The following ZNF503 variants were observed in gnomAD, a reference collection of about 807,000 sequenced individuals.
ZNF503 encodes the protein NocA-like zinc finger 2.
ZNF503 carries 15 observed loss-of-function variants against 34.4 expected under a neutral mutation model. The observed-to-expected ratio is 0.44, with a 90% CI of 0.29 to 0.67. The LOEUF (loss-of-function observed/expected upper bound fraction) is 0.67, where lower values mean the gene tolerates loss of function less well. Ranked by LOEUF, ZNF503 falls within the 30% of genes least tolerant of loss-of-function variation. The probability of loss-of-function intolerance (pLI) is 0.13; values close to 1 mark genes in which losing one functional copy is unlikely to be tolerated. For synonymous variants in ZNF503, 580 were observed against 456.8 expected (o/e 1.27, Z -3.44); for missense variants, 1,007 against 926.8 (o/e 1.09, Z -1.12).
chr10:75,351,265 A>G, the ZNF503 span, among the ~76,000 whole-genome samples: 2 of 152,010 alleles, frequency 1.3e-5, no homozygotes, highest in Admixed American at 1.3e-4. Flanking sequence ...TCTGCCTCCC[A>G]GGTTCAAGCG....
At chr10:75,374,610 T>C in the ZNF503 span, among the ~76,000 whole-genome samples, 1 of 152,172 alleles carries the variant, frequency 6.6e-6, no homozygotes, top group African/African-American at 2.4e-5. Flanking sequence ...TCCCCAGCCC[T>C]GCCTATCCCA....
chr10:75,347,216 A>G, the ZNF503 span, among the ~76,000 whole-genome samples: 1 of 152,252 alleles, frequency 6.6e-6, no homozygotes. Flanking sequence ...GACTCCGGCA[A>G]TTAATTTGCA....
chr10:75,393,877 CAAAAAGA>C (rs559087668), downstream of ZNF503, among the ~76,000 whole-genome samples: 78 of 151,786 alleles, frequency 5.1e-4, 1 homozygote, highest in South Asian at 6.7e-3. Context: ...TAAAATAAAA[CAAAAAGA>C]AAAAAGAAAA....
At position 75,399,690 on chromosome 10, in the gene ZNF503, A is replaced by G. The variant is rs1013297780; in HGVS notation, c.1000T>C (p.Ser334Pro). The G allele has an allele frequency of 6.9e-6, 11 of 1,600,362 alleles. No individual in the cohort carries two copies. The highest frequency in any genetic ancestry group is 9.3e-6 in the Non-Finnish European group (11 of 1,179,300). ...GGTGACACGGGAGCCACCAGCCCAG[A>G]GCCCAACACTGAGGAGGAGGTGGGC... ...SAPTSSSVLG[S>P]GLVAPVSPYK... The change falls in exon 2 of 2, where the codon TCT becomes CCT. Residue 334 changes from serine to proline, a missense_variant. By Grantham distance (74) the Ser-to-Pro change is moderately conservative. Coordinates refer to ENST00000372524, the MANE Select transcript of ZNF503 (RefSeq NM_032772.6).
chr10:75,288,214 C>T, the ZNF503 span: 1 of 152,234 alleles, frequency 6.6e-6, no homozygotes, highest in Non-Finnish European at 1.5e-5. Context: ...GTGTTAATTG[C>T]AGAAATTTGG....
chr10:75,340,738 A>G, the ZNF503 span, among the ~76,000 whole-genome samples: 2 of 152,304 alleles, frequency 1.3e-5, no homozygotes, highest in East Asian at 3.9e-4. Flanking sequence ...AGCTGGGATT[A>G]CAGGCATGCG....
rs966269278 is a variant in ZNF503 at position 75,400,515 on chromosome 10, G to A, written c.316-141C>T. Reference sequence around the variant, plus strand: ...CAGCCCCAAGGCGCAATTCTAGGCGGCACCCCCTCTTCAACACCCACTCAC... The same window carrying A: ...CAGCCCCAAGGCGCAATTCTAGGCGACACCCCCTCTTCAACACCCACTCAC... On this transcript the variant is annotated intron_variant, in intron 1 of 1. Coordinates refer to ENST00000372524, the MANE Select transcript of ZNF503 (RefSeq NM_032772.6). 69 of 1,421,308 alleles carry A rather than the reference G, an allele frequency of 4.9e-5. No individual in the cohort carries two copies. The African/African-American group carries it at 5.5e-4, about 11-fold the overall frequency. 88.0% of individuals were successfully genotyped at this position (1,421,308 alleles called of 1,614,324 possible).
the ZNF503 span, among the ~76,000 whole-genome samples, chr10:75,317,991 G>A: frequency 1.3e-5 from 2 of 151,866 alleles, no homozygotes; most frequent in Non-Finnish European, 2.9e-5. Flanking sequence ...GCGAGACTCT[G>A]TCTCAACAAA....
chr10:75,303,486 C>T, the ZNF503 span, among the ~76,000 whole-genome samples: 4 of 152,332 alleles, frequency 2.6e-5, no homozygotes, highest in Non-Finnish European at 5.9e-5. Flanking sequence ...CCATGTAAAG[C>T]CAGGATAAGG....
At chr10:75,338,853 G>T in the ZNF503 span, among the ~76,000 whole-genome samples, 10 of 152,236 alleles carry the variant, frequency 6.6e-5, no homozygotes, top group Admixed American at 3.3e-4. Flanking sequence ...GAGTGAGGCA[G>T]CTGCAATAGT....
chr10:75,282,241 A>T, the ZNF503 span, among the ~76,000 whole-genome samples: 35 of 152,168 alleles, frequency 2.3e-4, no homozygotes, highest in Non-Finnish European at 4.7e-4. Flanking sequence ...GAGAGATGGG[A>T]TCTGGCCAAT....
chr10:75,374,318 AC>A, the ZNF503 span, among the ~76,000 whole-genome samples: 41 of 152,280 alleles, frequency 2.7e-4, no homozygotes, highest in African/African-American at 4.3e-4. Context: ...CAACAAAAAA[AC>A]AAACAAACAA....
At chr10:75,313,461 G>T in the ZNF503 span, among the ~76,000 whole-genome samples, 1 of 152,198 alleles carries the variant, frequency 6.6e-6, no homozygotes, top group Non-Finnish European at 1.5e-5. Context: ...GTGAGCATTT[G>T]GTTCCCACAG....
At chr10:75,294,060 C>T in the ZNF503 span, among the ~76,000 whole-genome samples, 3 of 152,214 alleles carry the variant, frequency 2.0e-5, no homozygotes, top group Admixed American at 1.3e-4. Flanking sequence ...TCCTAAAAAA[C>T]ACAGCCCAAA....
At chr10:75,309,308 C>T in the ZNF503 span, among the ~76,000 whole-genome samples, 1 of 152,218 alleles carries the variant, frequency 6.6e-6, no homozygotes, top group Non-Finnish European at 1.5e-5. Context: ...GACTCTAACT[C>T]TGTAAGAAGT....
chr10:75,362,495 T>A, the ZNF503 span, among the ~76,000 whole-genome samples: 2 of 151,898 alleles, frequency 1.3e-5, no homozygotes, highest in African/African-American at 4.8e-5. Context: ...ACCCTTTGGG[T>A]CTCTAACTTC....
At chr10:75,305,567 G>T in the ZNF503 span, among the ~76,000 whole-genome samples, 1 of 152,072 alleles carries the variant, frequency 6.6e-6, no homozygotes, top group African/African-American at 2.4e-5. Flanking sequence ...ATACAGTTAA[G>T]TAATGTTAAG....
Position 75,399,624 on chromosome 10 carries a change from C to A in ZNF503, c.1066G>T (p.Gly356Cys). ...GQTVFPLPPA[G>C]MTYPGSLAGA... ...GCCAGGCTGCCTGGGTAGGTCATAC[C>A]CGCGGGAGGCAGAGGGAACACTGTC... Residue 356 changes from glycine (G) to cysteine (C), a missense_variant, in exon 2 of 2, where the codon GGT (glycine) becomes TGT (cysteine). Coordinates refer to ENST00000372524, the MANE Select transcript of ZNF503 (RefSeq NM_032772.6). 1 of 1,598,542 alleles carries A rather than the reference C, an allele frequency of 6.3e-7. No individual in the cohort carries two copies. The highest frequency in any genetic ancestry group is 1.1e-5 in the South Asian group (1 of 91,052).
rs1173770319 is a variant in ZNF503 at position 75,399,703 on chromosome 10, G to T, written c.987C>A (p.Ser329=). 6.3e-7 allele frequency: 1 copy of T among 1,599,992 alleles called. No individual in the cohort carries two copies. The highest frequency in any genetic ancestry group is 1.1e-5 in the South Asian group (1 of 90,676). The change falls in exon 2 of 2, where the codon TCC becomes TCA. Residue 329 remains serine, a synonymous_variant. Coordinates refer to ENST00000372524, the MANE Select transcript of ZNF503 (RefSeq NM_032772.6). Reference sequence around the variant, plus strand: ...CCACCAGCCCAGAGCCCAACACTGAGGAGGAGGTGGGCGCGCTGGGGCCGG... The same window carrying T: ...CCACCAGCCCAGAGCCCAACACTGATGAGGAGGTGGGCGCGCTGGGGCCGG... ...SGSGPSAPTS[S]SVLGSGLVAP...
Sources: gnomAD v4.1 joint callset for allele counts (sites outside exome capture counted in the v4.1 genomes callset) on GRCh38, gnomAD v4.1.1 for gene constraint, MANE v1.5 for transcripts, NCBI Gene and HGNC (gene_info 2026-07-23, HGNC 2026-07-21) for gene names.